SNTG2: variants seen among roughly 807,000 people sequenced by gnomAD.
SNTG2 encodes gamma-2-syntrophin.
Under a neutral mutation model 70.9 loss-of-function variants are expected in SNTG2, and 74 were observed. The observed-to-expected ratio is 1.04, with a 90% CI of 0.86 to 1.27. The LOEUF (loss-of-function observed/expected upper bound fraction) is 1.27. Ranked by LOEUF, SNTG2 falls within the 50% of genes most tolerant of loss-of-function variation. SNTG2 has a pLI of 0.00. For missense variants in SNTG2, 717 were observed against 690.7 expected (o/e 1.04, Z -0.43); for synonymous variants, 278 against 273.8 (o/e 1.02, Z -0.15).
At chr2:1,121,583 A>G (rs1033310944) in intron 4 of SNTG2, among the ~76,000 whole-genome samples, 1 of 152,188 alleles carries the variant, frequency 6.6e-6, no homozygotes, top group African/African-American at 2.4e-5. Context: ...ACAGTTCCGC[A>G]TGGCTGGGGA....
Position 1,131,753 on chromosome 2 carries a change from G to A in SNTG2, c.326-5869G>A, listed in dbSNP as rs191948307. ...TGCAACCTCCACCTCCCGGGTTCAC[G>A]TGATTCTCCTGCCTCAGCCTCCTGA... On this transcript the variant is annotated intron_variant, in intron 4 of 16. Transcript: ENST00000308624. Among the ~76,000 whole-genome samples, 31 of 151,872 alleles carry A rather than the reference G, an allele frequency of 2.0e-4. No homozygotes were observed. In the East Asian group the frequency reaches 5.5e-3, roughly 27 times the overall value.
intron 8 of SNTG2, among the ~76,000 whole-genome samples, chr2:1,187,447 T>C (rs1367559629): frequency 6.6e-6 from 1 of 152,194 alleles, no homozygotes. Context: ...TGCTGCTCTT[T>C]GGGCTTAAAC....
At chr2:1,172,546 A>G (rs1203167721) in intron 7 of SNTG2, among the ~76,000 whole-genome samples, 1 of 152,210 alleles carries the variant, frequency 6.6e-6, no homozygotes, top group Non-Finnish European at 1.5e-5. Flanking sequence ...TGGAGCATGA[A>G]GATCTATGAA....
Position 1,222,071 on chromosome 2 carries a change from CTG to C in SNTG2, c.719+12843_719+12844del, listed in dbSNP as rs1365469422. Among the ~76,000 whole-genome samples the C allele has an allele frequency of 1.8e-4, 15 of 84,020 alleles. 4 individuals carry two copies. The highest frequency in any genetic ancestry group is 6.3e-4 in the Admixed American group (5 of 7,942). 55.1% of individuals were successfully genotyped at this position (84,020 alleles called of 152,430 possible). The stretch of plus-strand genomic sequence containing the variant: ...TGTCTCTCTCTGTCTCTGTTTCTCT[CTG>C]TCTCTGTCTCTGTCTCTCTCTGTCT... On this transcript the variant is annotated intron_variant, in intron 9 of 16. Coordinates refer to ENST00000308624, the MANE Select transcript of SNTG2 (RefSeq NM_018968.4).
chr2:1,035,961 A>G (rs978581535), intron 1 of SNTG2, among the ~76,000 whole-genome samples: 1 of 152,228 alleles, frequency 6.6e-6, no homozygotes, highest in African/African-American at 2.4e-5. Context: ...ATTAAACATC[A>G]TAATTGTATT....
chr2:1,248,671 C>T (rs1677578204), intron 12 of SNTG2, among the ~76,000 whole-genome samples: 1 of 152,170 alleles, frequency 6.6e-6, no homozygotes, highest in Non-Finnish European at 1.5e-5. Context: ...TTGAGCAGAG[C>T]TAAGATATTC....
chr2:1,061,586 A>T (rs1049887336), intron 1 of SNTG2, among the ~76,000 whole-genome samples: 25 of 152,208 alleles, frequency 1.6e-4, no homozygotes, highest in African/African-American at 6.0e-4. Flanking sequence ...GCTGTCAATC[A>T]TCTGGCCCTC....
chr2:1,203,688 ATATGTG>A (rs1315340922), intron 8 of SNTG2, among the ~76,000 whole-genome samples: 3 of 134,344 alleles, frequency 2.2e-5, no homozygotes, highest in Middle Eastern at 3.5e-3. Context: ...ATATATATAT[ATATGTG>A]TGTGTGTGTG....
chr2:954,183 C>T (rs1660070218), intron 1 of SNTG2, among the ~76,000 whole-genome samples: 1 of 152,036 alleles, frequency 6.6e-6, no homozygotes, highest in Non-Finnish European at 1.5e-5. Context: ...ATGGGGCGGA[C>T]ACAGGCAGGT....
intron 16 of SNTG2, among the ~76,000 whole-genome samples, chr2:1,356,759 A>G (rs11211664): frequency 0.72 from 109,398 of 151,718 alleles, 39,723 homozygotes; most frequent in East Asian, 0.94. Flanking sequence ...CACTTTGGGT[A>G]GTATACACAT....
chr2:1,217,208 T>C (rs1057153178), intron 9 of SNTG2, among the ~76,000 whole-genome samples: 1 of 152,202 alleles, frequency 6.6e-6, no homozygotes, highest in Admixed American at 6.5e-5. Context: ...ACAAATCACA[T>C]GTAATAAGTG....
intron 1 of SNTG2, among the ~76,000 whole-genome samples, chr2:1,006,736 T>C (rs949810268): frequency 6.6e-6 from 1 of 152,042 alleles, no homozygotes; most frequent in Non-Finnish European, 1.5e-5. Context: ...ATTTAGAGTA[T>C]GAGGGAGGGC....
intron 16 of SNTG2, among the ~76,000 whole-genome samples, chr2:1,336,132 T>C (rs550994015): frequency 1.4e-3 from 207 of 152,308 alleles, no homozygotes; most frequent in African/African-American, 4.9e-3. Flanking sequence ...ATACAGATTT[T>C]CAAAGAGAAA....
intron 9 of SNTG2, among the ~76,000 whole-genome samples, chr2:1,218,560 A>T (rs996821569): frequency 6.6e-6 from 1 of 152,242 alleles, no homozygotes; most frequent in Non-Finnish European, 1.5e-5. Context: ...TGCCCATAGC[A>T]TGTGTGTTTC....
At chr2:1,008,254 G>A (rs1467129384) in intron 1 of SNTG2, among the ~76,000 whole-genome samples, 1 of 152,066 alleles carries the variant, frequency 6.6e-6, no homozygotes, top group South Asian at 2.1e-4. Context: ...CTTTAGTTAG[G>A]GGACATTTCG....
intron 7 of SNTG2, among the ~76,000 whole-genome samples, chr2:1,171,605 G>A (rs1441917925): frequency 6.6e-6 from 1 of 152,160 alleles, no homozygotes; most frequent in Non-Finnish European, 1.5e-5. Flanking sequence ...GTCCACAGCA[G>A]AGTCTTCACC....
intron 1 of SNTG2, among the ~76,000 whole-genome samples, chr2:956,134 A>C (rs1217913087): frequency 3.6e-4 from 9 of 24,984 alleles, no homozygotes; most frequent in African/African-American, 5.6e-4. Flanking sequence ...CATGCCCTGC[A>C]CCCACCGCGC....
Position 1,189,337 on chromosome 2 carries a change from A to G in SNTG2, c.591+16154A>G, listed in dbSNP as rs577102664. 6.6e-5 allele frequency among the ~76,000 whole-genome samples: 10 copies of G among 152,194 alleles called. No individual in the cohort carries two copies. The South Asian group carries it at 2.1e-3, about 32-fold the overall frequency. On this transcript the variant is annotated intron_variant, in intron 8 of 16. Coordinates refer to ENST00000308624, the MANE Select transcript of SNTG2 (RefSeq NM_018968.4). ...TGTATACATTCCAAGAAGTGTCAAT[A>G]TATATCGTATGAGGATAATTTTGTA...
Position 1,152,423 on chromosome 2 carries a change from G to T in SNTG2, c.412-13125G>T, listed in dbSNP as rs114861373. Reference sequence around the variant, plus strand: ...GGTGTGCATATACATGTGTACCTGTGTGTACTGCATATATGTGTGCACATC... The same window carrying T: ...GGTGTGCATATACATGTGTACCTGTTTGTACTGCATATATGTGTGCACATC... On this transcript the variant is annotated intron_variant, in intron 6 of 16. Transcript: ENST00000308624. Among the ~76,000 whole-genome samples, 1,111 of 152,324 alleles carry T rather than the reference G, an allele frequency of 7.3e-3. 11 individuals are homozygous for T. The highest frequency in any genetic ancestry group is 0.025 in the African/African-American group (1,053 of 41,560).
Sources: gnomAD v4.1 joint callset for allele counts (sites outside exome capture counted in the v4.1 genomes callset) on GRCh38, gnomAD v4.1.1 for gene constraint, MANE v1.5 for transcripts, NCBI Gene and HGNC (gene_info 2026-07-23, HGNC 2026-07-21) for gene names.